The following ZNF148 variants were observed in gnomAD, a reference collection of about 807,000 sequenced individuals.
The protein encoded by ZNF148 is Beta-Enolase Repressor Factor-1.
In ZNF148, 7 loss-of-function variants were observed where a neutral mutation model predicts 67.7. The ratio of observed to expected loss-of-function variants is 0.10; its 90% CI spans 0.06 to 0.19. The LOEUF (loss-of-function observed/expected upper bound fraction) is 0.19. Among genes scored for constraint, ZNF148 ranks in the 10% least tolerant of loss-of-function variants. The pLI is 1.00. For missense variants in ZNF148, 583 were observed against 947.1 expected, an observed-to-expected ratio of 0.62 and a Z score of 5.05; for synonymous variants, 333 against 330.7, an observed-to-expected ratio of 1.01 and a Z score of -0.08.
chr3:125,319,361 C>T (rs1046999821), intron 3 of ZNF148, among the ~76,000 whole-genome samples: 5 of 152,098 alleles, frequency 3.3e-5, no homozygotes, highest in African/African-American at 4.8e-5. Flanking sequence ...ACAATTATGT[C>T]CAAAACTCGG....
chr3:125,268,253 A>C (rs1937582323), intron 7 of ZNF148, among the ~76,000 whole-genome samples: 4 of 148,794 alleles, frequency 2.7e-5, no homozygotes, highest in African/African-American at 9.9e-5. Flanking sequence ...AAAAAAAAAC[A>C]GCCCCAAAAG....
At chr3:125,269,894 C>T (rs947180365) in intron 7 of ZNF148, among the ~76,000 whole-genome samples, 1 of 151,794 alleles carries the variant, frequency 6.6e-6, no homozygotes, top group Admixed American at 6.6e-5. Context: ...TATAAGTGGG[C>T]GTTAAATCTT....
intron 3 of ZNF148, among the ~76,000 whole-genome samples, chr3:125,319,294 C>T (rs936206186): frequency 1.3e-5 from 2 of 152,074 alleles, no homozygotes; most frequent in Non-Finnish European, 2.9e-5. Flanking sequence ...AAACAGTTTT[C>T]GGTCGGGGCT....
At chr3:125,296,824 T>C (rs571607262) in intron 4 of ZNF148, among the ~76,000 whole-genome samples, 1 of 152,182 alleles carries the variant, frequency 6.6e-6, no homozygotes, top group South Asian at 2.1e-4. Flanking sequence ...ATGACCAAGA[T>C]GAAATGCTCA....
chr3:125,324,223 T>C (rs1940921051), intron 2 of ZNF148, among the ~76,000 whole-genome samples: 1 of 152,086 alleles, frequency 6.6e-6, no homozygotes, highest in Non-Finnish European at 1.5e-5. Flanking sequence ...ACAGTAATCA[T>C]ACCTGCTTTG....
intron 7 of ZNF148, among the ~76,000 whole-genome samples, chr3:125,242,315 T>C (rs1936400539): frequency 6.6e-6 from 1 of 152,230 alleles, no homozygotes; most frequent in Non-Finnish European, 1.5e-5. Context: ...TTAAGTTTCA[T>C]TTTTTACATT....
At chr3:125,317,263 A>AT (rs1322599578) in intron 3 of ZNF148, among the ~76,000 whole-genome samples, 1 of 152,200 alleles carries the variant, frequency 6.6e-6, no homozygotes, top group Non-Finnish European at 1.5e-5. Flanking sequence ...ACAGACTCCA[A>AT]TATCAATGGA....
At chr3:125,354,243 CT>C (rs1407125604) in intron 1 of ZNF148, among the ~76,000 whole-genome samples, 1 of 151,724 alleles carries the variant, frequency 6.6e-6, no homozygotes, top group Non-Finnish European at 1.5e-5. Context: ...CTCATATTGT[CT>C]TTTTGGAGAT....
At chr3:125,294,232 T>C (rs1939169909) in intron 4 of ZNF148, among the ~76,000 whole-genome samples, 1 of 152,138 alleles carries the variant, frequency 6.6e-6, no homozygotes, top group South Asian at 2.1e-4. Context: ...TGCATTCAAC[T>C]GAAACAGATT....
At chr3:125,300,959 G>GTT (rs5852454) in intron 4 of ZNF148, among the ~76,000 whole-genome samples, 1 of 151,926 alleles carries the variant, frequency 6.6e-6, no homozygotes, top group African/African-American at 2.4e-5. Flanking sequence ...AAGCCAAATA[G>GTT]TTTTTTTAAT....
At chr3:125,328,949 G>A (rs1330365473) in intron 2 of ZNF148, among the ~76,000 whole-genome samples, 1 of 151,542 alleles carries the variant, frequency 6.6e-6, no homozygotes, top group Non-Finnish European at 1.5e-5. Context: ...ATTGTTAAAT[G>A]TACATAATCT....
At chr3:125,246,776 T>C (rs1435391387) in intron 7 of ZNF148, among the ~76,000 whole-genome samples, 1 of 152,196 alleles carries the variant, frequency 6.6e-6, no homozygotes, top group Non-Finnish European at 1.5e-5. Flanking sequence ...AAAATATCCT[T>C]AAGCTGAACA....
chr3:125,315,707 C>A (rs1216770723), intron 3 of ZNF148, among the ~76,000 whole-genome samples: 819 of 112,968 alleles, frequency 7.2e-3, no homozygotes, highest in Middle Eastern at 9.6e-3. Context: ...GACTCCATCT[C>A]AAAAAAAAAA....
At chr3:125,288,028 C>G in intron 5 of ZNF148, 75 bp downstream of exon 5, 1 of 1,599,700 alleles carries the variant, frequency 6.3e-7, no homozygotes, top group Non-Finnish European at 8.5e-7. Flanking sequence ...AGGGTCCAGC[C>G]AGGTTCTTGC....
chr3:125,247,283 G>A (rs1273347249), intron 7 of ZNF148, among the ~76,000 whole-genome samples: 2 of 151,986 alleles, frequency 1.3e-5, no homozygotes, highest in Non-Finnish European at 2.9e-5. Flanking sequence ...ACAGATTGGG[G>A]TCACTAACTC....
At chr3:125,249,644 A>C (rs571128323) in intron 7 of ZNF148, among the ~76,000 whole-genome samples, 53 of 152,300 alleles carry the variant, frequency 3.5e-4, no homozygotes, top group African/African-American at 1.2e-3. Context: ...CTAAAAATAG[A>C]ACTACCATAT....
At chr3:125,341,415 G>A (rs547746460) in intron 1 of ZNF148, among the ~76,000 whole-genome samples, 9 of 151,480 alleles carry the variant, frequency 5.9e-5, no homozygotes, top group African/African-American at 1.9e-4. Context: ...GCTCAGGAGG[G>A]TAAGACCAGC....
intron 7 of ZNF148, among the ~76,000 whole-genome samples, chr3:125,239,960 A>G (rs572088572): frequency 5.3e-5 from 8 of 152,316 alleles, no homozygotes; most frequent in Non-Finnish European, 1.2e-4. Flanking sequence ...TAACAGGTAT[A>G]GGTTTTCTTC....
At chr3:125,301,408 G>C (rs1382885061) in intron 4 of ZNF148, among the ~76,000 whole-genome samples, 6 of 152,192 alleles carry the variant, frequency 3.9e-5, no homozygotes, top group Admixed American at 3.3e-4. Context: ...CTAAATCTGA[G>C]TGACTTAGAG....
Sources: allele counts gnomAD v4.1 joint callset (sites outside exome capture counted in the v4.1 genomes callset), GRCh38; gene constraint gnomAD v4.1.1; transcripts MANE v1.5; gene names NCBI Gene and HGNC (gene_info 2026-07-23, HGNC 2026-07-21).